SGK1: variants seen among roughly 807,000 people sequenced by gnomAD.
The protein encoded by SGK1 is serum/glucocorticoid regulated kinase 1, also known as serine/threonine-protein kinase Sgk1.
A neutral mutation model predicts 64.2 loss-of-function variants in SGK1; 26 were observed. That is an observed-to-expected ratio of 0.40 (90% CI 0.30 to 0.56). SGK1 has a LOEUF of 0.56. Ranked by LOEUF, SGK1 falls within the 20% of genes least tolerant of loss-of-function variation. SGK1 has a pLI of 0.38. For missense variants in SGK1, 519 were observed against 645.6 expected, an observed-to-expected ratio of 0.80 and a Z score of 2.12; for synonymous variants, 265 against 239.7, an observed-to-expected ratio of 1.11 and a Z score of -0.98.
At chr6:134,311,248 A>G (rs1332360512) in intron 1 of SGK1, among the ~76,000 whole-genome samples, 1 of 152,252 alleles carries the variant, frequency 6.6e-6, no homozygotes, top group Admixed American at 6.5e-5. Flanking sequence ...AGGGGCAAGT[A>G]ATAGAAGGAT....
At chr6:134,222,471 G>A (rs913079602) in intron 2 of SGK1, among the ~76,000 whole-genome samples, 14 of 151,962 alleles carry the variant, frequency 9.2e-5, no homozygotes, top group Non-Finnish European at 4.4e-5. Context: ...AAGTAGCTGG[G>A]ATTACAGGCG....
At chr6:134,315,744 T>C (rs1345023548) in intron 1 of SGK1, among the ~76,000 whole-genome samples, 2 of 152,152 alleles carry the variant, frequency 1.3e-5, no homozygotes, top group African/African-American at 2.4e-5. Context: ...CATTTGTTTA[T>C]TATTGAAAAT....
chr6:134,277,153 T>C (rs1777030008), intron 1 of SGK1, among the ~76,000 whole-genome samples: 1 of 151,970 alleles, frequency 6.6e-6, no homozygotes, highest in South Asian at 2.1e-4. Context: ...AAGGCAGGCA[T>C]CTCTACTAAA....
intron 1 of SGK1, among the ~76,000 whole-genome samples, chr6:134,291,383 C>T (rs1448130555): frequency 6.6e-6 from 1 of 152,210 alleles, no homozygotes; most frequent in Admixed American, 6.5e-5. Flanking sequence ...AGTTCCACAT[C>T]AGCAAACCCA....
Position 134,169,700 on chromosome 6 carries a change from A to C in SGK1, c.*568T>G, listed in dbSNP as rs1774945142. ...CCGTATCTTACAAAAAAGTCTACAC[A>C]TAAATTTATCTTCCAAATATGGAAG... On this transcript the variant is annotated 3_prime_UTR_variant, in exon 14 of 14. Coordinates refer to ENST00000367858, the MANE Select transcript of SGK1 (RefSeq NM_001143676.3). 6.5e-6 allele frequency: 1 copy of C among 152,686 alleles called. No homozygotes were observed. The highest frequency in any genetic ancestry group is 1.9e-4 in the East Asian group (1 of 5,208). The allele number at this position is 152,686 out of a possible 1,614,324, so 9.5% of individuals were successfully genotyped here. A position where few individuals can be genotyped will look rare whatever the true frequency, so the allele number is the denominator to read the frequency against.
At chr6:134,260,374 A>ACCCCCCCCCCCCCCC (rs34069435) in intron 2 of SGK1, 1 of 113,162 alleles carries the variant, frequency 8.8e-6, no homozygotes, top group Non-Finnish European at 1.8e-5. Flanking sequence ...CCCGACCCCC[A>ACCCCCCCCCCCCCCC]CCCCCCCCAA....
At chr6:134,190,840 GAC>G (rs1349931206) in intron 3 of SGK1, among the ~76,000 whole-genome samples, 2 of 152,188 alleles carry the variant, frequency 1.3e-5, no homozygotes, top group Non-Finnish European at 2.9e-5. Flanking sequence ...GATGGTAACA[GAC>G]ACACTAGACT....
At chr6:134,196,485 AT>A (rs1373868056) in intron 3 of SGK1, among the ~76,000 whole-genome samples, 3 of 151,490 alleles carry the variant, frequency 2.0e-5, no homozygotes, top group Non-Finnish European at 2.9e-5. Flanking sequence ...TAAAATAATA[AT>A]AATAAAATAA....
At chr6:134,277,283 C>G (rs974242937) in intron 1 of SGK1, among the ~76,000 whole-genome samples, 1 of 152,148 alleles carries the variant, frequency 6.6e-6, no homozygotes, top group Non-Finnish European at 1.5e-5. Flanking sequence ...GATCGTACCA[C>G]TGCACTCCAG....
intron 13 of SGK1, 53 bp downstream of exon 13, chr6:134,170,773 A>T (rs1582678708): frequency 8.5e-7 from 1 of 1,183,160 alleles, no homozygotes; most frequent in Non-Finnish European, 1.2e-6. Flanking sequence ...ATTCTGAATT[A>T]AAATAAATGC....
chr6:134,275,627 C>A (rs954565916), intron 1 of SGK1, among the ~76,000 whole-genome samples: 1 of 152,180 alleles, frequency 6.6e-6, no homozygotes, highest in Admixed American at 6.5e-5. Flanking sequence ...ATTTCATGAA[C>A]CACTAATGGG....
chr6:134,316,051 C>A (rs1282245028), intron 1 of SGK1, among the ~76,000 whole-genome samples: 2 of 152,194 alleles, frequency 1.3e-5, no homozygotes, highest in Non-Finnish European at 2.9e-5. Flanking sequence ...TACTCCCACT[C>A]CAAGAGCAGG....
chr6:134,265,656 TATAGAC>T (rs1198270248), intron 1 of SGK1, among the ~76,000 whole-genome samples: 7 of 146,690 alleles, frequency 4.8e-5, no homozygotes, highest in Admixed American at 4.1e-4. Context: ...ACAGAAACAC[TATAGAC>T]ATAAAGTAGG....
In SGK1 at chr6:134,232,413, G is replaced by GAAAAGAAAGAAAGAGAGAGAGAGAGAGAA. The variant is rs79009962; in HGVS notation, c.286-24983_286-24982insTTCTCTCTCTCTCTCTCTTTCTTTCTTTT. On this transcript the variant is annotated intron_variant, in intron 2 of 13. Coordinates refer to ENST00000367858, the MANE Select transcript of SGK1 (RefSeq NM_001143676.3). ...AAAAGAAAGAAGAAAAAGAAAGAAA[G>GAAAAGAAAGAAAGAGAGAGAGAGAGAGAA]AGAAAGAAAGAAAGAAAGAAAGAAA... Among the ~76,000 whole-genome samples the GAAAAGAAAGAAAGAGAGAGAGAGAGAGAA allele has an allele frequency of 4.8e-4, 23 of 47,778 alleles. 2 individuals are homozygous for GAAAAGAAAGAAAGAGAGAGAGAGAGAGAA. Among genetic ancestry groups the GAAAAGAAAGAAAGAGAGAGAGAGAGAGAA allele is most frequent in the African/African-American group, 9.5e-4 (12 of 12,628 alleles). The allele number at this position is 47,778 out of a possible 152,430, so 31.3% of individuals were successfully genotyped here.
chr6:134,209,302 C>T (rs1003707878), intron 2 of SGK1, among the ~76,000 whole-genome samples: 9 of 151,990 alleles, frequency 5.9e-5, no homozygotes, highest in African/African-American at 9.7e-5. Context: ...GGCATGGCAG[C>T]GCATGCCTGT....
intron 3 of SGK1, chr6:134,176,008 T>C (rs1161579693): frequency 3.9e-6 from 4 of 1,034,610 alleles, no homozygotes; most frequent in South Asian, 9.0e-5. Flanking sequence ...CTTTTTTTTT[T>C]CTGAAGTAAT....
intron 1 of SGK1, among the ~76,000 whole-genome samples, chr6:134,305,324 C>T (rs901778772): frequency 2.9e-5 from 4 of 138,696 alleles, no homozygotes; most frequent in African/African-American, 1.1e-4. Flanking sequence ...GCGCCCACTG[C>T]ACTCCAGCCA....
intron 2 of SGK1, among the ~76,000 whole-genome samples, chr6:134,255,005 A>G (rs769750812): frequency 1.3e-5 from 2 of 152,022 alleles, no homozygotes; most frequent in African/African-American, 4.8e-5. Flanking sequence ...AGTAGCTGAG[A>G]TTGCAGGCAT....
intron 1 of SGK1, among the ~76,000 whole-genome samples, chr6:134,299,196 A>T: frequency 7.3e-6 from 1 of 136,172 alleles, no homozygotes; most frequent in East Asian, 2.7e-4. Flanking sequence ...CCTTACAAAA[A>T]AATTACAAAA....
Sources: allele counts gnomAD v4.1 joint callset (sites outside exome capture counted in the v4.1 genomes callset), GRCh38; gene constraint gnomAD v4.1.1; transcripts MANE v1.5; gene names NCBI Gene and HGNC (gene_info 2026-07-23, HGNC 2026-07-21).